Variants in WDR35 observed in about 807,000 individuals in gnomAD.
The protein encoded by WDR35 is WD repeat-containing protein 35.
In WDR35, 118 loss-of-function variants were observed where a neutral mutation model predicts 158.3. That is an observed-to-expected ratio of 0.75 (90% CI 0.64 to 0.87). The LOEUF is 0.87. Among genes scored for constraint, WDR35 ranks in the 40% least tolerant of loss-of-function variants. WDR35 has a pLI of 0.00. For synonymous variants in WDR35, 448 were observed against 476.1 expected (o/e 0.94, Z 0.77); for missense variants, 1,263 against 1,405.8 (o/e 0.90, Z 1.62).
At chr2:19,989,112 A>T in intron 2 of WDR35, 53 bp downstream of exon 2, 1 of 1,515,376 alleles carries the variant, frequency 6.6e-7, no homozygotes, top group South Asian at 1.1e-5. Context: ...ACCGCACTGA[A>T]CAAATAACAT....
Position 19,941,767 on chromosome 2 carries a change from T to C in WDR35, c.1918A>G (p.Ile640Val). 6.4e-7 allele frequency: 1 copy of C among 1,554,500 alleles called. No homozygotes were observed. Reference sequence around the variant, plus strand: ...AACTTTTTAGGAATTACCTTTAATATCTCATCCAAAAGAACAGATTTAATT... The same window carrying C: ...AACTTTTTAGGAATTACCTTTAATACCTCATCCAAAAGAACAGATTTAATT... ...LEIKSVLLDE[I>V]LKDPEHPNKD... Residue 640 changes from isoleucine (I) to valine (V), a missense_variant, in exon 17 of 27, where the codon ATA (isoleucine) becomes GTA (valine). Physicochemically the swap from Ile to Val is conservative, Grantham distance 29 (BLOSUM62 3). Transcript: ENST00000281405.
chr2:19,937,342 G>A (rs928930807), intron 19 of WDR35, among the ~76,000 whole-genome samples: 16 of 152,080 alleles, frequency 1.1e-4, no homozygotes, highest in East Asian at 9.6e-4. Flanking sequence ...AACTAATCTC[G>A]ATCCCTAACG....
At chr2:19,931,526 G>C (rs1358300357) in intron 23 of WDR35, 117 bp from the exon 24 acceptor site, 5 of 1,119,008 alleles carry the variant, frequency 4.5e-6, no homozygotes, top group South Asian at 2.7e-5. Context: ...CAGTAAGATG[G>C]AATATAAATA....
intron 10 of WDR35, among the ~76,000 whole-genome samples, chr2:19,966,454 G>A (rs1001436336): frequency 6.6e-5 from 10 of 151,966 alleles, no homozygotes; most frequent in East Asian, 1.9e-4. Context: ...AAGGGATTGC[G>A]GTATTTTAAA....
intron 13 of WDR35, among the ~76,000 whole-genome samples, chr2:19,949,631 C>A (rs1671170946): frequency 6.6e-6 from 1 of 152,168 alleles, no homozygotes; most frequent in African/African-American, 2.4e-5. Context: ...ATGGCTACTG[C>A]ACTGGAGAAC....
chr2:19,951,528 T>C, intron 12 of WDR35, 44 bp from the exon 13 acceptor site: 2 of 1,452,402 alleles, frequency 1.4e-6, no homozygotes, highest in Admixed American at 3.4e-5. Flanking sequence ...AAGTATAGTT[T>C]ATACTATTTC....
chr2:19,969,619 T>C lies in WDR35; in HGVS notation c.883-14A>G. On this transcript the variant is annotated splice_polypyrimidine_tract_variant and intron_variant, in intron 8 of 26. Coordinates refer to ENST00000281405, the MANE Select transcript of WDR35 (RefSeq NM_020779.4). ...AGTACCCAGATGCTGAAAAAGAAAG[T>C]TATCTTTAACCTAAAGTATAACAAT... 6.2e-7 allele frequency: 1 copy of C among 1,612,706 alleles called. No homozygotes were observed. Among genetic ancestry groups the C allele is most frequent in the Non-Finnish European group, 8.5e-7 (1 of 1,179,408 alleles).
intron 25 of WDR35, among the ~76,000 whole-genome samples, chr2:19,922,693 G>A (rs976540838): frequency 6.6e-6 from 1 of 152,196 alleles, no homozygotes; most frequent in Admixed American, 6.5e-5. Context: ...TTCTGCACAT[G>A]TACCCCAGAA....
At chr2:19,936,951 A>C (rs1037138530) in intron 19 of WDR35, among the ~76,000 whole-genome samples, 3 of 152,210 alleles carry the variant, frequency 2.0e-5, no homozygotes, top group African/African-American at 7.2e-5. Context: ...CTGGACTTTC[A>C]ATTTATTTAG....
chr2:19,966,118 G>C (rs988509972), intron 10 of WDR35, among the ~76,000 whole-genome samples: 2 of 152,128 alleles, frequency 1.3e-5, no homozygotes, highest in African/African-American at 4.8e-5. Context: ...TGTTCAAAGA[G>C]TCACCTTTAA....
At chr2:19,980,038 T>C (rs917464886) in intron 4 of WDR35, among the ~76,000 whole-genome samples, 1 of 152,112 alleles carries the variant, frequency 6.6e-6, no homozygotes, top group Non-Finnish European at 1.5e-5. Flanking sequence ...CCCTCTCTCA[T>C]AGACAAACTG....
chr2:19,956,618 CTTT>C (rs34318252), intron 11 of WDR35, among the ~76,000 whole-genome samples: 8 of 129,398 alleles, frequency 6.2e-5, no homozygotes, highest in Non-Finnish European at 3.3e-5. Context: ...CTTAATAATA[CTTT>C]TTTTTTTTTT....
chr2:19,912,749 A>G lies in WDR35; in HGVS notation c.*809T>C, dbSNP rs2103376436. ...ACTGTTTATCTTTCAAATTAATAAT[A>G]AATGAAAACAGACGCATATCAAGAA... On this transcript the variant is annotated 3_prime_UTR_variant, in exon 27 of 27. Transcript: ENST00000281405. The G allele has an allele frequency of 6.6e-6, 1 of 152,352 alleles. No individual in the cohort carries two copies. Among genetic ancestry groups the G allele is most frequent in the South Asian group, 2.1e-4 (1 of 4,832 alleles). 9.4% of individuals were successfully genotyped at this position (152,352 alleles called of 1,614,324 possible).
In WDR35 at chr2:19,951,498, C is replaced by A; in HGVS notation, c.1401-14G>T. ...ACATGATAAATTCTGCAAAAAAGAT[C>A]AGAATTTCAAAGAAAGTTTAAGTAT... On this transcript the variant is annotated splice_polypyrimidine_tract_variant and intron_variant, in intron 12 of 26. Coordinates refer to ENST00000281405, the MANE Select transcript of WDR35 (RefSeq NM_020779.4). 6.2e-7 allele frequency: 1 copy of A among 1,602,088 alleles called. No individual in the cohort carries two copies. The highest frequency in any genetic ancestry group is 1.1e-5 in the South Asian group (1 of 89,852).
chr2:19,957,420 G>A (rs1206515608), intron 11 of WDR35, among the ~76,000 whole-genome samples: 1 of 152,072 alleles, frequency 6.6e-6, no homozygotes, highest in Non-Finnish European at 1.5e-5. Context: ...TAAGCTTCTA[G>A]GAAAAGCAAA....
At chr2:19,979,925 C>G (rs1672332284) in intron 4 of WDR35, among the ~76,000 whole-genome samples, 1 of 151,982 alleles carries the variant, frequency 6.6e-6, no homozygotes, top group South Asian at 2.1e-4. Context: ...ACTAAGGCAC[C>G]CTTCCCTTTT....
chr2:19,938,964 A>G (rs919171425), intron 17 of WDR35, among the ~76,000 whole-genome samples: 2 of 152,232 alleles, frequency 1.3e-5, no homozygotes, highest in African/African-American at 4.8e-5. Flanking sequence ...TGAATTAATG[A>G]ATAGATGAAC....
chr2:19,990,027 C>T lies in WDR35; in HGVS notation c.-12G>A, dbSNP rs777119916. The T allele has an allele frequency of 1.2e-6, 2 of 1,613,794 alleles. No homozygotes were observed. The highest frequency in any genetic ancestry group is 2.2e-5 in the South Asian group (2 of 90,980). On this transcript the variant is annotated 5_prime_UTR_variant, in exon 1 of 27. Transcript: ENST00000281405. ...AGGTAGAAGAACATCGTGGGATCCC[C>T]GAGAGGGTCACGGCGGCCGCTAAGG...
At position 19,932,278 on chromosome 2, in the gene WDR35, A is replaced by G; in HGVS notation, c.2823+5T>C. 6.2e-7 allele frequency: 1 copy of G among 1,613,114 alleles called. No homozygotes were observed. The highest frequency in any genetic ancestry group is 8.5e-7 in the Non-Finnish European group (1 of 1,179,424). ...ATCAACTATTCACCAAGATTTTTAC[A>G]TTACCTTAAACATCAGTTTAGCTGC... On this transcript the variant is annotated splice_donor_5th_base_variant and intron_variant, in intron 23 of 26. Coordinates refer to ENST00000281405, the MANE Select transcript of WDR35 (RefSeq NM_020779.4).
Sources: allele counts gnomAD v4.1 joint callset (sites outside exome capture counted in the v4.1 genomes callset), GRCh38; gene constraint gnomAD v4.1.1; transcripts MANE v1.5; gene names NCBI Gene and HGNC (gene_info 2026-07-23, HGNC 2026-07-21).